The following TMEM117 variants were observed in gnomAD, a reference collection of about 807,000 sequenced individuals.
The protein encoded by TMEM117 is transmembrane protein 117.
A neutral mutation model predicts 52.4 loss-of-function variants in TMEM117; 27 were observed. The ratio of observed to expected loss-of-function variants is 0.51; its 90% confidence interval spans 0.38 to 0.71. The LOEUF (loss-of-function observed/expected upper bound fraction) is 0.71, where lower values mean the gene tolerates loss of function less well. TMEM117 is among the 30% of genes least tolerant of loss of function. The pLI is 0.00. For missense variants in TMEM117, 556 were observed against 630.5 expected, an observed-to-expected ratio of 0.88 and a Z score of 1.26; for synonymous variants, 215 against 206.3, an observed-to-expected ratio of 1.04 and a Z score of -0.36.
chr12:44,353,824 C>T (rs1487311311), intron 6 of TMEM117, among the ~76,000 whole-genome samples: 22 of 152,126 alleles, frequency 1.4e-4, no homozygotes, highest in Admixed American at 1.2e-3. Context: ...TTTTTTCCAA[C>T]TCTGTGAAGA....
the TMEM117 span, among the ~76,000 whole-genome samples, chr12:43,815,656 C>T: frequency 6.6e-6 from 1 of 152,356 alleles, no homozygotes; most frequent in African/African-American, 2.4e-5. Context: ...TAAACAGTAA[C>T]AGGCTGTAAA....
chr12:44,232,085 G>A (rs1565618096), intron 5 of TMEM117, among the ~76,000 whole-genome samples: 3 of 151,554 alleles, frequency 2.0e-5, no homozygotes, highest in African/African-American at 7.3e-5. Flanking sequence ...TGAAACCTAG[G>A]AAGTATTATG....
At chr12:44,179,057 G>A (rs923505764) in intron 4 of TMEM117, among the ~76,000 whole-genome samples, 2 of 152,084 alleles carry the variant, frequency 1.3e-5, no homozygotes, top group African/African-American at 4.8e-5. Context: ...AGCCTGGTGT[G>A]GTGGTGGGTG....
At chr12:44,009,578 C>T in intron 3 of TMEM117, 1 of 236,718 alleles carries the variant, frequency 4.2e-6, no homozygotes, top group Non-Finnish European at 8.9e-6. Flanking sequence ...GTGAGTATTC[C>T]AGCCTAGCTG....
At chr12:44,390,473 A>C (rs1465158701), downstream of TMEM117, among the ~76,000 whole-genome samples, 1 of 152,158 alleles carries the variant, frequency 6.6e-6, no homozygotes, top group African/African-American at 2.4e-5. Flanking sequence ...GTTTATTATC[A>C]ATATGCATGA....
At chr12:44,078,122 C>T (rs564749231) in intron 3 of TMEM117, among the ~76,000 whole-genome samples, 69 of 152,192 alleles carry the variant, frequency 4.5e-4, no homozygotes, top group Middle Eastern at 3.4e-3. Context: ...AAGTAAATGA[C>T]GTAATTATCC....
chr12:44,142,093 C>CTCTGTAAAT (rs1948579148), intron 3 of TMEM117, among the ~76,000 whole-genome samples: 2 of 152,084 alleles, frequency 1.3e-5, no homozygotes, highest in African/African-American at 2.4e-5. Flanking sequence ...AGATGCTTGA[C>CTCTGTAAAT]CTTAAGCAAG....
At chr12:44,372,746 G>A (rs1196173076) in intron 6 of TMEM117, among the ~76,000 whole-genome samples, 4 of 152,168 alleles carry the variant, frequency 2.6e-5, no homozygotes, top group Non-Finnish European at 4.4e-5. Flanking sequence ...AGGAAATGAT[G>A]TCACTTTCCA....
intron 7 of TMEM117, among the ~76,000 whole-genome samples, chr12:44,386,710 A>T (rs74085157): frequency 0.019 from 2,861 of 152,202 alleles, 96 homozygotes; most frequent in African/African-American, 0.065. Flanking sequence ...TATTTTCTGC[A>T]TGTAAAGAAA....
At chr12:44,375,042 A>C (rs964640578) in intron 6 of TMEM117, among the ~76,000 whole-genome samples, 1 of 152,062 alleles carries the variant, frequency 6.6e-6, no homozygotes, top group African/African-American at 2.4e-5. Context: ...TTATTATTGC[A>C]AACGTCTTCC....
intron 3 of TMEM117, among the ~76,000 whole-genome samples, chr12:44,140,445 C>A (rs950938144): frequency 6.6e-6 from 1 of 152,010 alleles, no homozygotes; most frequent in South Asian, 2.1e-4. Context: ...TTTATTAATT[C>A]TCCACTGGAG....
chr12:44,208,988 A>G (rs904277768), intron 4 of TMEM117, among the ~76,000 whole-genome samples: 1 of 152,078 alleles, frequency 6.6e-6, no homozygotes, highest in Non-Finnish European at 1.5e-5. Context: ...CAGGATAAAT[A>G]TTGCCTAAGA....
At chr12:44,011,945 G>C (rs1221837138) in intron 3 of TMEM117, among the ~76,000 whole-genome samples, 3 of 152,176 alleles carry the variant, frequency 2.0e-5, no homozygotes, top group African/African-American at 7.2e-5. Flanking sequence ...GGATGGAATG[G>C]GATGGTGTGA....
chr12:44,039,323 T>C (rs902256010), intron 3 of TMEM117, among the ~76,000 whole-genome samples: 2 of 151,284 alleles, frequency 1.3e-5, no homozygotes, highest in African/African-American at 4.8e-5. Context: ...ATACCATATT[T>C]TATTAATCAC....
intron 5 of TMEM117, among the ~76,000 whole-genome samples, chr12:44,225,567 C>T (rs1466345525): frequency 6.6e-6 from 1 of 152,072 alleles, no homozygotes; most frequent in Non-Finnish European, 1.5e-5. Context: ...TTCACACCTA[C>T]ATTATATGAA....
intron 2 of TMEM117, among the ~76,000 whole-genome samples, chr12:43,880,759 A>C (rs1284819951): frequency 6.6e-6 from 1 of 152,352 alleles, no homozygotes; most frequent in Admixed American, 6.5e-5. Flanking sequence ...AAAAGAAACA[A>C]GGTTGTCTTT....
chr12:44,378,379 A>T (rs1256392108), intron 7 of TMEM117, among the ~76,000 whole-genome samples: 2 of 152,188 alleles, frequency 1.3e-5, no homozygotes, highest in African/African-American at 4.8e-5. Flanking sequence ...TGTGGTGTCC[A>T]GAGTTTACAC....
At chr12:43,873,599 G>A (rs772340706) in intron 2 of TMEM117, among the ~76,000 whole-genome samples, 4 of 151,440 alleles carry the variant, frequency 2.6e-5, no homozygotes, top group Non-Finnish European at 5.9e-5. Flanking sequence ...TTAATTTTAT[G>A]TCATTAAAAA....
intron 6 of TMEM117, among the ~76,000 whole-genome samples, chr12:44,329,971 G>T (rs2138721435): frequency 6.6e-6 from 1 of 152,176 alleles, no homozygotes; most frequent in Admixed American, 6.6e-5. Flanking sequence ...ACATTTGTAT[G>T]ATGGGCATAG....
Sources: allele counts gnomAD v4.1 joint callset (sites outside exome capture counted in the v4.1 genomes callset), GRCh38; gene constraint gnomAD v4.1.1; transcripts MANE v1.5; gene names NCBI Gene and HGNC (gene_info 2026-07-23, HGNC 2026-07-21).